BMPER: variants seen among roughly 807,000 people sequenced by gnomAD.
BMPER encodes BMP binding endothelial regulator, also known as BMP-binding endothelial regulator protein.
A neutral mutation model predicts 87.3 loss-of-function variants in BMPER; 45 were observed. That is an observed-to-expected ratio of 0.52 (90% CI 0.41 to 0.66). The LOEUF is 0.66. Ranked by LOEUF, BMPER falls within the 30% of genes least tolerant of loss-of-function variation. The probability of loss-of-function intolerance (pLI) is 0.00; values close to 1 mark genes in which losing one functional copy is unlikely to be tolerated. For synonymous variants in BMPER, 326 were observed against 316.2 expected, an observed-to-expected ratio of 1.03 and a Z score of -0.33; for missense variants, 784 against 867.5, an observed-to-expected ratio of 0.90 and a Z score of 1.21.
intron 1 of BMPER, among the ~76,000 whole-genome samples, chr7:33,906,597 T>C (rs1420535111): frequency 1.3e-5 from 2 of 152,358 alleles, no homozygotes; most frequent in Admixed American, 1.3e-4. Flanking sequence ...AATTTATCCC[T>C]ATATCATAGT....
At chr7:33,948,894 G>C (rs12668608) in intron 3 of BMPER, among the ~76,000 whole-genome samples, 1 of 152,142 alleles carries the variant, frequency 6.6e-6, no homozygotes, top group Non-Finnish European at 1.5e-5. Context: ...AAGGAGGAGA[G>C]ATGAGTTGTG....
chr7:33,908,854 T>A (rs1484468721), intron 2 of BMPER, among the ~76,000 whole-genome samples: 1 of 152,172 alleles, frequency 6.6e-6, no homozygotes, highest in African/African-American at 2.4e-5. Context: ...GTTGTCACAG[T>A]CATTGCTGCT....
At chr7:34,108,676 T>A (rs148958559) in intron 13 of BMPER, among the ~76,000 whole-genome samples, 22 of 152,372 alleles carry the variant, frequency 1.4e-4, no homozygotes, top group African/African-American at 5.0e-4. Context: ...TACATTTTTC[T>A]GTCTGTATGT....
chr7:34,061,141 A>C (rs1788426331), intron 10 of BMPER, among the ~76,000 whole-genome samples: 1 of 152,250 alleles, frequency 6.6e-6, no homozygotes, highest in African/African-American at 2.4e-5. Flanking sequence ...CCTTATCACT[A>C]ACCCAATGTT....
intron 3 of BMPER, among the ~76,000 whole-genome samples, chr7:33,947,760 C>T (rs1784922503): frequency 6.6e-6 from 1 of 152,054 alleles, no homozygotes; most frequent in South Asian, 2.1e-4. Flanking sequence ...ATAGATTAAG[C>T]ATTATTAATT....
At chr7:33,934,136 T>G (rs1323866736) in intron 2 of BMPER, among the ~76,000 whole-genome samples, 1 of 152,314 alleles carries the variant, frequency 6.6e-6, no homozygotes, top group South Asian at 2.1e-4. Context: ...AAGGCATGGC[T>G]TTGCGTGTGC....
intron 2 of BMPER, among the ~76,000 whole-genome samples, chr7:33,916,309 G>C (rs991324498): frequency 6.6e-6 from 1 of 152,202 alleles, no homozygotes; most frequent in Admixed American, 6.5e-5. Context: ...CAACGAATCA[G>C]AGTGTTGTTT....
chr7:33,990,585 T>C (rs1296812434), intron 6 of BMPER, among the ~76,000 whole-genome samples: 1 of 151,784 alleles, frequency 6.6e-6, no homozygotes, highest in Non-Finnish European at 1.5e-5. Context: ...ACTTCCTCTT[T>C]TTCTAATTGA....
intron 10 of BMPER, among the ~76,000 whole-genome samples, chr7:34,060,625 A>G (rs1272504879): frequency 6.6e-6 from 1 of 152,214 alleles, no homozygotes; most frequent in East Asian, 1.9e-4. Flanking sequence ...ATTAACCAGA[A>G]TCCTTTAAGT....
At chr7:33,945,220 C>A (rs1257075994) in intron 3 of BMPER, among the ~76,000 whole-genome samples, 1 of 145,650 alleles carries the variant, frequency 6.9e-6, no homozygotes, top group Non-Finnish European at 1.5e-5. Context: ...GGATTACAGG[C>A]CTGAGCCACC....
At chr7:34,103,823 CAG>C (rs1022557486) in intron 13 of BMPER, among the ~76,000 whole-genome samples, 1 of 152,124 alleles carries the variant, frequency 6.6e-6, no homozygotes, top group Non-Finnish European at 1.5e-5. Flanking sequence ...AAAAGGAAAA[CAG>C]AGAACCAGTC....
chr7:33,970,699 G>T (rs779259902), intron 5 of BMPER, among the ~76,000 whole-genome samples: 4 of 152,168 alleles, frequency 2.6e-5, no homozygotes, highest in African/African-American at 4.8e-5. Context: ...GGAAGAAAAG[G>T]CTGTGGCTTT....
intron 6 of BMPER, among the ~76,000 whole-genome samples, chr7:33,983,438 C>T (rs542390818): frequency 1.8e-4 from 28 of 152,092 alleles, no homozygotes; most frequent in African/African-American, 6.8e-4. Context: ...AAAAGAAATC[C>T]ACAAATGATT....
rs148706315 is a variant in BMPER, at chr7:34,156,080, C to T, written c.*2807C>T. On this transcript the variant is annotated 3_prime_UTR_variant, in exon 15 of 15. Coordinates refer to ENST00000649409, the MANE Select transcript of BMPER (RefSeq NM_001365308.1). ...AGCAATTTTTGTTAAAACTGTGGTA[C>T]ACTAAGAATCACTAACTCTTCAGGT... 6.6e-6 allele frequency among the ~76,000 whole-genome samples: 1 copy of T among 152,246 alleles called. No homozygotes were observed. Among genetic ancestry groups the T allele is most frequent in the African/African-American group, 2.4e-5 (1 of 41,538 alleles).
At chr7:33,953,066 A>G (rs1457029673) in intron 3 of BMPER, among the ~76,000 whole-genome samples, 1 of 152,224 alleles carries the variant, frequency 6.6e-6, no homozygotes, top group Non-Finnish European at 1.5e-5. Flanking sequence ...GATGCTGAAC[A>G]CATGAGGCAG....
intron 4 of BMPER, among the ~76,000 whole-genome samples, chr7:33,968,410 C>G (rs1785457722): frequency 6.6e-6 from 1 of 152,174 alleles, no homozygotes; most frequent in South Asian, 2.1e-4. Context: ...TTATTGGCAC[C>G]TGTCAGGGAA....
At chr7:33,944,236 G>C (rs1305638031) in intron 3 of BMPER, among the ~76,000 whole-genome samples, 2 of 151,922 alleles carry the variant, frequency 1.3e-5, no homozygotes, top group Admixed American at 1.3e-4. Flanking sequence ...TGTGATCTCG[G>C]CTCACTGCAA....
At chr7:33,928,406 C>T (rs11978741) in intron 2 of BMPER, among the ~76,000 whole-genome samples, 45,331 of 151,710 alleles carry the variant, frequency 0.3, 7,580 homozygotes, top group African/African-American at 0.45. Context: ...TTATACGACG[C>T]GCAGTCTAAT....
intron 13 of BMPER, among the ~76,000 whole-genome samples, chr7:34,137,161 C>A (rs901924443): frequency 6.6e-6 from 1 of 152,204 alleles, no homozygotes; most frequent in Admixed American, 6.5e-5. Flanking sequence ...GCAGAATCCT[C>A]TCATCAAATC....
Sources: allele counts gnomAD v4.1 joint callset (sites outside exome capture counted in the v4.1 genomes callset), GRCh38; gene constraint gnomAD v4.1.1; transcripts MANE v1.5; gene names NCBI Gene and HGNC (gene_info 2026-07-23, HGNC 2026-07-21).